Variants in CHTF8 observed in about 807,000 individuals in gnomAD.
CHTF8 encodes chromosome transmission fidelity factor 8.
CHTF8 carries 6 observed loss-of-function variants against 11.0 expected under a neutral mutation model. The observed-to-expected ratio is 0.55, with a 90% CI of 0.30 to 1.08. The LOEUF is 1.08. CHTF8 is among the 50% of genes least tolerant of loss of function. The pLI, the probability that CHTF8 is intolerant of heterozygous loss-of-function variation, is 0.07. For missense variants in CHTF8, 140 were observed against 153.1 expected (o/e 0.91, Z 0.45); for synonymous variants, 53 against 60.5 (o/e 0.88, Z 0.57).
At chr16:69,121,537 C>T (rs1961661931) in intron 1 of CHTF8, 44 bp from the exon 2 acceptor site, 4 of 1,210,432 alleles carry the variant, frequency 3.3e-6, no homozygotes, top group Non-Finnish European at 4.7e-6. Context: ...ACAACAACAA[C>T]TAATAATGAC....
chr16:69,127,571 A>G (rs1962159912), intron 1 of CHTF8, among the ~76,000 whole-genome samples: 1 of 151,440 alleles, frequency 6.6e-6, no homozygotes, highest in South Asian at 2.1e-4. Flanking sequence ...AGAAACTAAA[A>G]GAGAGTCAGT....
intron 1 of CHTF8, among the ~76,000 whole-genome samples, chr16:69,130,248 C>CA (rs755639723): frequency 2.6e-5 from 4 of 152,002 alleles, no homozygotes; most frequent in Admixed American, 6.6e-5. Flanking sequence ...GGCTTTGACT[C>CA]AACGGTTTAA....
chr16:69,127,265 C>CT (rs1567593341), intron 1 of CHTF8, among the ~76,000 whole-genome samples: 3 of 149,712 alleles, frequency 2.0e-5, no homozygotes, highest in African/African-American at 7.3e-5. Flanking sequence ...CATATGAGAA[C>CT]ATGCAACCCA....
chr16:69,123,661 C>T (rs1961844327), intron 1 of CHTF8, among the ~76,000 whole-genome samples: 1 of 152,082 alleles, frequency 6.6e-6, no homozygotes, highest in South Asian at 2.1e-4. Flanking sequence ...ATCAATCAAT[C>T]AATCAATAAA....
chr16:69,118,253 G>C lies in CHTF8; in HGVS notation c.*2172C>G. The stretch of plus-strand genomic sequence containing the variant: ...GGGCCTTAAATCTGGCCACCTCTAA[G>C]TCCCAGGAGAAGGGAGCTGCAGGCC... On this transcript the variant is annotated 3_prime_UTR_variant, in exon 4 of 4. Transcript: ENST00000448552. 1 of 751,704 alleles carries C rather than the reference G, an allele frequency of 1.3e-6. No individual in the cohort carries two copies. Among genetic ancestry groups the C allele is most frequent in the East Asian group, 2.7e-5 (1 of 36,920 alleles). 46.6% of individuals were successfully genotyped at this position (751,704 alleles called of 1,614,324 possible).
intron 1 of CHTF8, among the ~76,000 whole-genome samples, chr16:69,127,162 T>C (rs1962125264): frequency 6.6e-6 from 1 of 150,722 alleles, no homozygotes; most frequent in Admixed American, 6.7e-5. Flanking sequence ...TGCTTGAACC[T>C]GGGAGGCGGA....
At chr16:69,123,626 C>T (rs1412560829) in intron 1 of CHTF8, among the ~76,000 whole-genome samples, 6 of 151,992 alleles carry the variant, frequency 3.9e-5, no homozygotes, top group East Asian at 1.9e-4. Context: ...CCACCCTGGG[C>T]GACAGAGTGA....
rs556306206 is a variant in CHTF8, at chr16:69,119,562, T to C, written c.*863A>G. Reference sequence around the variant, plus strand: ...TTCCAGAAGCCTGTGAGAAAGAAGCTGAATTTGCTCCTAAAAGACCTGCTG... The same window carrying C: ...TTCCAGAAGCCTGTGAGAAAGAAGCCGAATTTGCTCCTAAAAGACCTGCTG... On this transcript the variant is annotated 3_prime_UTR_variant, in exon 4 of 4. Coordinates refer to ENST00000448552, the MANE Select transcript of CHTF8 (RefSeq NM_001039690.5). The C allele has an allele frequency of 4.3e-6, 3 of 702,830 alleles. No individual in the cohort carries two copies. The East Asian group carries it at 8.0e-5, about 19-fold the overall frequency. The allele number at this position is 702,830 out of a possible 1,614,324, so 43.5% of individuals were successfully genotyped here. A position where few individuals can be genotyped will look rare whatever the true frequency, so the allele number is the denominator to read the frequency against.
rs376410837 is a variant in CHTF8, at chr16:69,120,434, C to T, written c.357G>A (p.Lys119=). Residue 119 remains lysine (K), a synonymous_variant, in exon 4 of 4, where the codon AAG becomes AAA. Coordinates refer to ENST00000448552, the MANE Select transcript of CHTF8 (RefSeq NM_001039690.5). This position sits in a 1 kb window ranked among gnomAD's most constrained non-coding sequence, Gnocchi z 4.0. ...RPKPIITSVP[K]KV is the part of the protein sequence containing the mutation. Reference sequence around the variant, plus strand: ...AAAATCCGAGGTTCTTTCATACTTTCTTGGGGACGCTGGTGATAATGGGCT... The same window carrying T: ...AAAATCCGAGGTTCTTTCATACTTTTTTGGGGACGCTGGTGATAATGGGCT... 2.5e-6 allele frequency: 4 copies of T among 1,614,054 alleles called. No individual in the cohort carries two copies. Among genetic ancestry groups the T allele is most frequent in the African/African-American group, 2.7e-5 (2 of 74,944 alleles).
chr16:69,127,333 A>C (rs2152271128), intron 1 of CHTF8, among the ~76,000 whole-genome samples: 1 of 152,234 alleles, frequency 6.6e-6, no homozygotes, highest in African/African-American at 2.4e-5. Flanking sequence ...GGTGGGGAAG[A>C]AGTACAATAC....
intron 1 of CHTF8, among the ~76,000 whole-genome samples, chr16:69,124,391 C>G (rs1042774042): frequency 6.6e-6 from 1 of 152,078 alleles, no homozygotes; most frequent in African/African-American, 2.4e-5. Flanking sequence ...TGTGCTCAAG[C>G]TTAGCAAACA....
intron 1 of CHTF8, among the ~76,000 whole-genome samples, chr16:69,130,872 C>T (rs1169957363): frequency 1.3e-5 from 2 of 152,194 alleles, no homozygotes; most frequent in East Asian, 1.9e-4. Context: ...AGAATTCAAA[C>T]ATGGCAGTTG....
chr16:69,123,377 G>A (rs1961821456), intron 1 of CHTF8, among the ~76,000 whole-genome samples: 1 of 152,164 alleles, frequency 6.6e-6, no homozygotes, highest in Admixed American at 6.5e-5. Flanking sequence ...AGCCAAGGGG[G>A]CCAGGCGCGG....
intron 1 of CHTF8, among the ~76,000 whole-genome samples, chr16:69,123,786 A>G (rs968702449): frequency 3.3e-5 from 5 of 152,146 alleles, no homozygotes; most frequent in African/African-American, 1.2e-4. Flanking sequence ...AATATCTTAG[A>G]TAATTAGATA....
At chr16:69,130,244 G>C (rs1475855515) in intron 1 of CHTF8, among the ~76,000 whole-genome samples, 1 of 152,112 alleles carries the variant, frequency 6.6e-6, no homozygotes, top group Non-Finnish European at 1.5e-5. Flanking sequence ...AAGAGGCTTT[G>C]ACTCAACGGT....
chr16:69,127,601 CTTT>C (rs71383961), intron 1 of CHTF8, among the ~76,000 whole-genome samples: 1 of 104,390 alleles, frequency 9.6e-6, no homozygotes, highest in African/African-American at 3.8e-5. Context: ...CTCCCGGCAA[CTTT>C]TTTTTTTTTT....
Position 69,119,864 on chromosome 16 carries a change from C to T in CHTF8, c.*561G>A. On this transcript the variant is annotated 3_prime_UTR_variant, in exon 4 of 4. Coordinates refer to ENST00000448552, the MANE Select transcript of CHTF8 (RefSeq NM_001039690.5). ...GGACCATTCCCAGAGGTTAACAGAA[C>T]ACCGGCTCTCAGGTTAGGTCCAGAT... 1 of 701,576 alleles carries T rather than the reference C, an allele frequency of 1.4e-6. No individual in the cohort carries two copies. The highest frequency in any genetic ancestry group is 2.6e-6 in the Non-Finnish European group (1 of 385,004). The allele number at this position is 701,576 out of a possible 1,614,324, so 43.5% of individuals were successfully genotyped here. A position where few individuals can be genotyped will look rare whatever the true frequency, so the allele number is the denominator to read the frequency against.
At position 69,119,580 on chromosome 16, in the gene CHTF8, A is replaced by G; in HGVS notation, c.*845T>C. On this transcript the variant is annotated 3_prime_UTR_variant, in exon 4 of 4. Coordinates refer to ENST00000448552, the MANE Select transcript of CHTF8 (RefSeq NM_001039690.5). ...AAGAAGCTGAATTTGCTCCTAAAAG[A>G]CCTGCTGCTCTTAGAATGGGGGCAA... is the stretch of plus-strand genomic sequence containing the variant. The G allele has an allele frequency of 1.4e-6, 1 of 702,232 alleles. No individual in the cohort carries two copies. The highest frequency in any genetic ancestry group is 2.6e-6 in the Non-Finnish European group (1 of 384,558). 43.5% of individuals were successfully genotyped at this position (702,232 alleles called of 1,614,324 possible).
chr16:69,120,702 C>T lies in CHTF8; in HGVS notation c.142-53G>A. 1 of 1,477,566 alleles carries T rather than the reference C, an allele frequency of 6.8e-7. No individual in the cohort carries two copies. The highest frequency in any genetic ancestry group is 1.8e-4 in the Middle Eastern group (1 of 5,692). 91.5% of individuals were successfully genotyped at this position (1,477,566 alleles called of 1,614,324 possible). ...GAGGTTCCGGGGCAAGGCCATAACACTCAGGCGCCTCCTAAAGCTGCTCTT... is the reference window on the plus strand; with the variant it reads ...GAGGTTCCGGGGCAAGGCCATAACATTCAGGCGCCTCCTAAAGCTGCTCTT... On this transcript the variant is annotated intron_variant, in intron 3 of 3. Coordinates refer to ENST00000448552, the MANE Select transcript of CHTF8 (RefSeq NM_001039690.5). The surrounding 1 kb of genome is among the most constrained non-coding windows in gnomAD (Gnocchi z 4.0).
Sources: allele counts gnomAD v4.1 joint callset (sites outside exome capture counted in the v4.1 genomes callset), GRCh38; gene constraint gnomAD v4.1.1; non-coding constraint Gnocchi (gnomAD v3.1); transcripts MANE v1.5; gene names NCBI Gene and HGNC (gene_info 2026-07-23, HGNC 2026-07-21).